ANK2: variants seen among roughly 807,000 people sequenced by gnomAD.
ANK2 encodes ankyrin-2.
Under a neutral mutation model 360.5 loss-of-function variants are expected in ANK2, and 83 were observed. The observed-to-expected ratio is 0.23, with a 90% CI of 0.19 to 0.28. ANK2 has a LOEUF of 0.28. ANK2 is among the 10% of genes least tolerant of loss of function. The pLI, the probability that ANK2 is intolerant of heterozygous loss-of-function variation, is 1.00. For synonymous variants in ANK2, 1,740 were observed against 1,759.5 expected, an observed-to-expected ratio of 0.99 and a Z score of 0.28; for missense variants, 4,201 against 4,795.7, an observed-to-expected ratio of 0.88 and a Z score of 3.66.
intron 1 of ANK2, among the ~76,000 whole-genome samples, chr4:113,103,580 T>C (rs935479593): frequency 9.9e-5 from 15 of 152,170 alleles, no homozygotes; most frequent in Non-Finnish European, 1.8e-4. Flanking sequence ...ACTAAAATAA[T>C]TTAGAATTCT....
intron 1 of ANK2, among the ~76,000 whole-genome samples, chr4:113,099,569 A>G (rs907454235): frequency 5.9e-5 from 9 of 152,042 alleles, no homozygotes; most frequent in Non-Finnish European, 1.2e-4. Flanking sequence ...AACTTGATCT[A>G]TAGACTCAAT....
chr4:113,347,317 A>C (rs1179714759), intron 35 of ANK2, among the ~76,000 whole-genome samples: 2 of 152,300 alleles, frequency 1.3e-5, no homozygotes, highest in South Asian at 2.1e-4. Context: ...TGGGTATATC[A>C]ACCCAAATGA....
chr4:113,332,657 A>G (rs2092731410), intron 28 of ANK2, among the ~76,000 whole-genome samples: 1 of 152,218 alleles, frequency 6.6e-6, no homozygotes, highest in Non-Finnish European at 1.5e-5. Flanking sequence ...AAATTATGCA[A>G]TGTGTGAGCC....
chr4:113,140,926 C>T (rs889820063), intron 1 of ANK2, among the ~76,000 whole-genome samples: 3 of 151,454 alleles, frequency 2.0e-5, no homozygotes, highest in East Asian at 1.9e-4. Context: ...TGCAATGAGC[C>T]AAGGTTGCGC....
At chr4:112,770,709 CT>C in the ANK2 span, among the ~76,000 whole-genome samples, 696 of 119,560 alleles carry the variant, frequency 5.8e-3, 10 homozygotes, top group East Asian at 0.056. Context: ...CTCTCTCTCT[CT>C]CAAAAAAAAA....
chr4:113,207,320 A>G (rs766788444), intron 4 of ANK2, among the ~76,000 whole-genome samples: 29 of 152,232 alleles, frequency 1.9e-4, no homozygotes, highest in Non-Finnish European at 1.5e-5. Context: ...CATCACATCT[A>G]AAATCTTCGG....
chr4:112,832,482 A>G (rs753224034), intron 1 of ANK2, among the ~76,000 whole-genome samples: 1 of 152,214 alleles, frequency 6.6e-6, no homozygotes, highest in Middle Eastern at 3.2e-3. Context: ...CCCAGGAAAG[A>G]CTATTGTTTC....
chr4:113,322,612 C>T (rs967769321), intron 26 of ANK2, among the ~76,000 whole-genome samples: 1 of 152,120 alleles, frequency 6.6e-6, no homozygotes, highest in African/African-American at 2.4e-5. Flanking sequence ...CAAATGCCAA[C>T]AATTAAATGT....
intron 3 of ANK2, among the ~76,000 whole-genome samples, chr4:113,197,520 T>C (rs2098765904): frequency 6.6e-6 from 1 of 152,160 alleles, no homozygotes; most frequent in African/African-American, 2.4e-5. Context: ...GTGGAAGATG[T>C]AGAGAGAGAA....
chr4:112,986,812 C>G (rs966053017), intron 2 of ANK2, among the ~76,000 whole-genome samples: 1 of 152,074 alleles, frequency 6.6e-6, no homozygotes, highest in Non-Finnish European at 1.5e-5. Flanking sequence ...GAACCTTGAG[C>G]GCTTGCAGAT....
In ANK2 at chr4:113,231,690, G is replaced by A. The variant is rs1018530370; in HGVS notation, c.385-471G>A. Among the ~76,000 whole-genome samples, 8 of 150,734 alleles carry A rather than the reference G, an allele frequency of 5.3e-5. No homozygotes were observed. The South Asian group carries it at 8.4e-4, about 16-fold the overall frequency. On this transcript the variant is annotated intron_variant, in intron 4 of 45. Coordinates refer to ENST00000357077, the MANE Select transcript of ANK2 (RefSeq NM_001148.6). ...CTGATCTCAGCTCACTGCAACCTCCGCTTCCCAAGTTCAAGTGATTTTCCT... is the reference window on the plus strand; with the variant it reads ...CTGATCTCAGCTCACTGCAACCTCCACTTCCCAAGTTCAAGTGATTTTCCT...
intron 22 of ANK2, among the ~76,000 whole-genome samples, chr4:113,296,209 A>G (rs184274996): frequency 1.3e-5 from 2 of 152,288 alleles, no homozygotes; most frequent in Admixed American, 1.3e-4. Flanking sequence ...CCTAATTTTC[A>G]ACAAAAAGAA....
At chr4:112,802,757 T>A in the ANK2 span, among the ~76,000 whole-genome samples, 1 of 152,136 alleles carries the variant, frequency 6.6e-6, no homozygotes, top group East Asian at 1.9e-4. Flanking sequence ...ATAGACAACA[T>A]AGGAGTTAAA....
At chr4:112,942,377 T>G (rs1337158376) in intron 2 of ANK2, among the ~76,000 whole-genome samples, 2 of 152,080 alleles carry the variant, frequency 1.3e-5, no homozygotes, top group African/African-American at 4.8e-5. Flanking sequence ...GAATGAAAGT[T>G]AAGTTTATGT....
chr4:113,112,714 T>C (rs967995981), intron 1 of ANK2, among the ~76,000 whole-genome samples: 2 of 152,166 alleles, frequency 1.3e-5, no homozygotes, highest in African/African-American at 4.8e-5. Flanking sequence ...TCTGTGAAAC[T>C]TCAGAAGTGT....
intron 1 of ANK2, among the ~76,000 whole-genome samples, chr4:113,053,516 A>G (rs1000120873): frequency 2.0e-5 from 3 of 152,214 alleles, no homozygotes; most frequent in African/African-American, 7.2e-5. Flanking sequence ...CAGGACTAAA[A>G]AGAAGCATTG....
rs1489186093 is a variant in ANK2 at position 113,028,671 on chromosome 4, G to T, written c.21+124157G>T. On this transcript the variant is annotated intron_variant, in intron 2 of 30. Transcript: ENST00000503271. ...AAAGAGGCCCTTTTTTGGTTTAGGG[G>T]CTTAATTTATAAATTGACCTTGTCC... Among the ~76,000 whole-genome samples, 4 of 152,026 alleles carry T rather than the reference G, an allele frequency of 2.6e-5. No homozygotes were observed. In the East Asian group the frequency reaches 5.8e-4, roughly 22 times the overall value.
At chr4:113,327,490 T>C (rs13124168) in intron 26 of ANK2, among the ~76,000 whole-genome samples, 5,749 of 152,306 alleles carry the variant, frequency 0.038, 171 homozygotes, top group Non-Finnish European at 0.06. Context: ...GCCTTAGACA[T>C]AAATATATAC....
At chr4:112,721,330 A>G in the ANK2 span, among the ~76,000 whole-genome samples, 1 of 152,160 alleles carries the variant, frequency 6.6e-6, no homozygotes, top group Admixed American at 6.6e-5. Flanking sequence ...ACTGGAGGTC[A>G]GGAGTTCAAG....
Sources: allele counts gnomAD v4.1 joint callset (sites outside exome capture counted in the v4.1 genomes callset), GRCh38; gene constraint gnomAD v4.1.1; transcripts MANE v1.5; gene names NCBI Gene and HGNC (gene_info 2026-07-23, HGNC 2026-07-21).